Variants in DGKB observed in about 807,000 individuals in gnomAD.
DGKB encodes the protein 90 kDa diacylglycerol kinase.
In DGKB, 67 loss-of-function variants were observed where a neutral mutation model predicts 114.3. That is an observed-to-expected ratio of 0.59 (90% CI 0.48 to 0.72). The LOEUF is 0.72. Among genes scored for constraint, DGKB ranks in the 30% least tolerant of loss-of-function variants. DGKB has a pLI of 0.00. For synonymous variants in DGKB, 398 were observed against 323.1 expected (o/e 1.23, Z -2.49); for missense variants, 907 against 975.2 (o/e 0.93, Z 0.93).
intron 1 of DGKB, among the ~76,000 whole-genome samples, chr7:14,872,997 C>T (rs1232113441): frequency 1.3e-5 from 2 of 151,802 alleles, no homozygotes; most frequent in Non-Finnish European, 2.9e-5. Context: ...AAATGTAATC[C>T]CTTGCCTCCG....
chr7:14,463,358 G>A (rs1321899469), intron 21 of DGKB, among the ~76,000 whole-genome samples: 2 of 152,110 alleles, frequency 1.3e-5, no homozygotes, highest in East Asian at 3.9e-4. Flanking sequence ...AAAACTACAT[G>A]TTCTGCACAT....
intron 1 of DGKB, among the ~76,000 whole-genome samples, chr7:14,952,578 A>G (rs1786266922): frequency 6.6e-6 from 1 of 151,924 alleles, no homozygotes; most frequent in African/African-American, 2.4e-5. Flanking sequence ...CAACATGGTG[A>G]AATCCCATCT....
At chr7:14,356,639 CG>C (rs1814594931) in intron 21 of DGKB, among the ~76,000 whole-genome samples, 1 of 151,824 alleles carries the variant, frequency 6.6e-6, no homozygotes, top group African/African-American at 2.4e-5. Context: ...GGATTACAGG[CG>C]TGAGCCACCA....
intron 21 of DGKB, among the ~76,000 whole-genome samples, chr7:14,395,034 T>C (rs1186541026): frequency 6.6e-6 from 1 of 152,154 alleles, no homozygotes; most frequent in Non-Finnish European, 1.5e-5. Context: ...AAACTTTTGC[T>C]ATTAGAGCAA....
intron 23 of DGKB, among the ~76,000 whole-genome samples, chr7:14,194,792 G>A (rs771089435): frequency 2.6e-5 from 4 of 151,924 alleles, no homozygotes; most frequent in Non-Finnish European, 5.9e-5. Flanking sequence ...ACAACCAGCC[G>A]GAGCTGACTA....
chr7:14,945,489 T>A (rs1016978496), intron 1 of DGKB, among the ~76,000 whole-genome samples: 1 of 151,870 alleles, frequency 6.6e-6, no homozygotes, highest in African/African-American at 2.4e-5. Context: ...GTACTTACAA[T>A]ATTAAAAACT....
Position 14,672,959 on chromosome 7 carries a change from T to C in DGKB, c.1104A>G (p.Leu368=). ...CCACTGGACAGATTGTTGTGGGTGG[T>C]AAAATATGGTCCTTCAAAGGTCCAC... is the stretch of plus-strand genomic sequence containing the variant. ...CDCGPLKDHI[L]PPTTICPVVL... Residue 368 remains leucine (L), a synonymous_variant, in exon 13 of 26, where the codon TTA becomes TTG. Coordinates refer to ENST00000402815, the MANE Select transcript of DGKB (RefSeq NM_001350709.2). The C allele has an allele frequency of 1.3e-6, 2 of 1,575,614 alleles. No homozygotes were observed. Among genetic ancestry groups the C allele is most frequent in the Non-Finnish European group, 1.7e-6 (2 of 1,158,844 alleles).
chr7:14,908,402 G>T (rs574300039), intron 1 of DGKB, among the ~76,000 whole-genome samples: 3 of 152,230 alleles, frequency 2.0e-5, no homozygotes, highest in Non-Finnish European at 2.9e-5. Flanking sequence ...GCACTGAAAA[G>T]ATTTTCAGTT....
intron 23 of DGKB, 56 bp downstream of exon 23, chr7:14,338,459 A>G (rs1811070892): frequency 9.1e-7 from 1 of 1,095,660 alleles, no homozygotes; most frequent in African/African-American, 1.7e-5. Context: ...ACTTTTAAAG[A>G]AGCCTTTGAA....
intron 21 of DGKB, among the ~76,000 whole-genome samples, chr7:14,434,555 C>T (rs770627075): frequency 1.3e-5 from 2 of 152,102 alleles, no homozygotes; most frequent in Non-Finnish European, 1.5e-5. Context: ...AAAGTAGCTC[C>T]TCCCATAGAG....
chr7:14,856,077 C>G (rs116948015), intron 1 of DGKB, among the ~76,000 whole-genome samples: 4 of 151,634 alleles, frequency 2.6e-5, no homozygotes, highest in Non-Finnish European at 5.9e-5. Context: ...GCACATATGC[C>G]TATCAAGTTT....
At chr7:14,539,515 G>C (rs1450470066) in intron 20 of DGKB, among the ~76,000 whole-genome samples, 1 of 152,096 alleles carries the variant, frequency 6.6e-6, no homozygotes, top group East Asian at 1.9e-4. Flanking sequence ...CCCTAGAATG[G>C]GTTAATCATG....
chr7:14,820,786 CA>C (rs1277903952), intron 2 of DGKB, among the ~76,000 whole-genome samples: 7 of 152,018 alleles, frequency 4.6e-5, no homozygotes. Flanking sequence ...TATGTTAACC[CA>C]AAATTAACAT....
intron 13 of DGKB, among the ~76,000 whole-genome samples, chr7:14,662,565 G>A (rs1018402132): frequency 6.6e-6 from 1 of 151,728 alleles, no homozygotes; most frequent in Admixed American, 6.6e-5. Context: ...AACAAAATGA[G>A]GAATTGAAAA....
rs564224893 is a variant in DGKB at position 14,254,460 on chromosome 7, T to A, written c.2123-76309A>T. On this transcript the variant is annotated intron_variant, in intron 23 of 25. Transcript: ENST00000402815. ...TTAAAATGGACCACAGAATATAGAA[T>A]CAGATGATTGCATTTGAGTTTCAAC... 1.2e-4 allele frequency among the ~76,000 whole-genome samples: 18 copies of A among 152,248 alleles called. No individual in the cohort carries two copies. The South Asian group carries it at 3.3e-3, about 28-fold the overall frequency.
chr7:14,638,391 T>A (rs1444410897), intron 13 of DGKB, among the ~76,000 whole-genome samples: 1 of 152,194 alleles, frequency 6.6e-6, no homozygotes, highest in African/African-American at 2.4e-5. Flanking sequence ...TTACCAATGA[T>A]TTTTTAAAAC....
intron 1 of DGKB, among the ~76,000 whole-genome samples, chr7:14,867,056 G>T (rs1851804079): frequency 6.6e-6 from 1 of 152,016 alleles, no homozygotes; most frequent in Admixed American, 6.6e-5. Flanking sequence ...TAAAGTCTTT[G>T]GCCCATTTTT....
At chr7:14,371,610 A>T in intron 21 of DGKB, among the ~76,000 whole-genome samples, 1 of 151,930 alleles carries the variant, frequency 6.6e-6, no homozygotes, top group East Asian at 1.9e-4. Flanking sequence ...CCCATCCTGT[A>T]TGTTGTCTAT....
In DGKB at chr7:14,327,370, T is replaced by A. The variant is rs144352935; in HGVS notation, c.2122+11145A>T. ...TTAACAAAACAATTACAATAAAGAA[T>A]TTATTAAAAACCTTTGGAAGAAACT... On this transcript the variant is annotated intron_variant, in intron 23 of 25. Coordinates refer to ENST00000402815, the MANE Select transcript of DGKB (RefSeq NM_001350709.2). Among the ~76,000 whole-genome samples the A allele has an allele frequency of 4.5e-3, 680 of 152,118 alleles. 3 individuals are homozygous for A. Among genetic ancestry groups the A allele is most frequent in the Middle Eastern group, 0.014 (4 of 292 alleles).
Sources: allele counts gnomAD v4.1 joint callset (sites outside exome capture counted in the v4.1 genomes callset), GRCh38; gene constraint gnomAD v4.1.1; transcripts MANE v1.5; gene names NCBI Gene and HGNC (gene_info 2026-07-23, HGNC 2026-07-21).